The following CRY1 variants were observed in gnomAD, a reference collection of about 807,000 sequenced individuals.
CRY1 encodes cryptochrome-1.
A neutral mutation model predicts 76.0 loss-of-function variants in CRY1; 45 were observed. The observed-to-expected ratio is 0.59, with a 90% CI of 0.47 to 0.76. The LOEUF is 0.76. Ranked by LOEUF, CRY1 falls within the 30% of genes least tolerant of loss-of-function variation. The pLI, the probability that CRY1 is intolerant of heterozygous loss-of-function variation, is 0.00. For synonymous variants in CRY1, 248 were observed against 244.0 expected (o/e 1.02, Z -0.15); for missense variants, 587 against 716.4 (o/e 0.82, Z 2.06).
intron 1 of CRY1, among the ~76,000 whole-genome samples, chr12:107,049,290 T>A (rs1952888450): frequency 6.6e-6 from 1 of 152,214 alleles, no homozygotes; most frequent in Non-Finnish European, 1.5e-5. Context: ...ACTTTTGCAT[T>A]AAGGAAAAAA....
chr12:106,995,053 A>C (rs1952218751), intron 10 of CRY1, among the ~76,000 whole-genome samples: 1 of 152,252 alleles, frequency 6.6e-6, no homozygotes, highest in Non-Finnish European at 1.5e-5. Context: ...CCAATGATGC[A>C]GGAAGAAGTA....
At chr12:107,072,832 T>C (rs1352546387) in intron 1 of CRY1, 1 of 152,202 alleles carries the variant, frequency 6.6e-6, no homozygotes, top group Non-Finnish European at 1.5e-5. Flanking sequence ...TTCTTTACTA[T>C]GATTGTATTT....
At chr12:107,045,688 G>T (rs148616827) in intron 1 of CRY1, among the ~76,000 whole-genome samples, 3 of 152,028 alleles carry the variant, frequency 2.0e-5, no homozygotes, top group Admixed American at 2.0e-4. Context: ...GTAAGGAAGG[G>T]ATCCAGTTTC....
intron 1 of CRY1, among the ~76,000 whole-genome samples, chr12:107,086,550 C>T (rs780464887): frequency 5.3e-5 from 8 of 152,150 alleles, no homozygotes; most frequent in Non-Finnish European, 7.3e-5. Flanking sequence ...CTGCCTTGTG[C>T]GGTCTTGAGA....
intron 1 of CRY1, among the ~76,000 whole-genome samples, chr12:107,060,475 C>G (rs1261036964): frequency 2.0e-5 from 3 of 152,132 alleles, no homozygotes; most frequent in African/African-American, 4.8e-5. Context: ...AACCCATAAG[C>G]AATATATTTT....
At chr12:107,013,948 C>T (rs1342523210) in intron 2 of CRY1, among the ~76,000 whole-genome samples, 1 of 152,102 alleles carries the variant, frequency 6.6e-6, no homozygotes, top group Non-Finnish European at 1.5e-5. Context: ...TTAAATTTAA[C>T]ATGACTTCTA....
chr12:107,042,975 C>A (rs946470633), intron 1 of CRY1: 1 of 152,136 alleles, frequency 6.6e-6, no homozygotes, highest in Non-Finnish European at 1.5e-5. Flanking sequence ...CTGTGCTCAC[C>A]GTAGAGAAAA....
chr12:107,002,957 G>T lies in CRY1; in HGVS notation c.411-1009C>A, dbSNP rs565791018. The stretch of plus-strand genomic sequence containing the variant: ...GAGGCCTTCTGAGCCGTGTGGAATT[G>T]TAAGTCCATTAAATCTTTCTTTTGT... On this transcript the variant is annotated intron_variant, in intron 3 of 12. Coordinates refer to ENST00000008527, the MANE Select transcript of CRY1 (RefSeq NM_004075.5). Among the ~76,000 whole-genome samples, 17 of 152,266 alleles carry T rather than the reference G, an allele frequency of 1.1e-4. No individual in the cohort carries two copies. The East Asian group carries it at 2.3e-3, about 21-fold the overall frequency.
intron 1 of CRY1, among the ~76,000 whole-genome samples, chr12:107,065,779 T>G (rs960989033): frequency 6.6e-6 from 1 of 152,184 alleles, no homozygotes; most frequent in Non-Finnish European, 1.5e-5. Flanking sequence ...AGACACTTAT[T>G]CCTAACATTT....
intron 1 of CRY1, among the ~76,000 whole-genome samples, chr12:107,047,325 T>C (rs1006382452): frequency 2.0e-5 from 3 of 152,190 alleles, no homozygotes; most frequent in Non-Finnish European, 4.4e-5. Context: ...AATCATTTCA[T>C]TTGAAACAAA....
At chr12:107,006,409 T>G (rs1952375530) in intron 2 of CRY1, among the ~76,000 whole-genome samples, 1 of 151,970 alleles carries the variant, frequency 6.6e-6, no homozygotes, top group Non-Finnish European at 1.5e-5. Flanking sequence ...AACTTTACAG[T>G]ATATATCTTT....
At chr12:107,003,896 T>A (rs138899256) in intron 3 of CRY1, among the ~76,000 whole-genome samples, 1,871 of 150,822 alleles carry the variant, frequency 0.012, 33 homozygotes, top group African/African-American at 0.043. Context: ...AACGTCTGCC[T>A]CCCGGGTTCA....
rs575838320 is a variant in CRY1, at chr12:107,022,205, A to G, written c.159-13T>C. 7.0e-7 allele frequency: 1 copy of G among 1,425,974 alleles called. No homozygotes were observed. Among genetic ancestry groups the G allele is most frequent in the Non-Finnish European group, 9.6e-7 (1 of 1,037,100 alleles). The allele number at this position is 1,425,974 out of a possible 1,614,324, so 88.3% of individuals were successfully genotyped here. Reference sequence around the variant, plus strand: ...CTGAAGCAAAAATCTAGAGAGAAGAAAGTATTATTTAAATTATTAAAAAAT... The same window carrying G: ...CTGAAGCAAAAATCTAGAGAGAAGAGAGTATTATTTAAATTATTAAAAAAT... On this transcript the variant is annotated splice_polypyrimidine_tract_variant and intron_variant, in intron 1 of 12. Coordinates refer to ENST00000008527, the MANE Select transcript of CRY1 (RefSeq NM_004075.5).
intron 1 of CRY1, among the ~76,000 whole-genome samples, chr12:107,075,388 CAA>C (rs1339937558): frequency 2.0e-5 from 3 of 151,552 alleles, no homozygotes; most frequent in Non-Finnish European, 4.4e-5. Context: ...GGTGAATCAC[CAA>C]AAAAGTTTGT....
intron 1 of CRY1, among the ~76,000 whole-genome samples, chr12:107,039,159 T>G (rs150382858): frequency 6.6e-6 from 1 of 152,150 alleles, no homozygotes; most frequent in Middle Eastern, 3.4e-3. Flanking sequence ...AAGGCCTTCA[T>G]CTTACACTAT....
chr12:107,081,382 T>G (rs948288092), intron 1 of CRY1, among the ~76,000 whole-genome samples: 1 of 152,044 alleles, frequency 6.6e-6, no homozygotes, highest in African/African-American at 2.4e-5. Context: ...TAAGCCACTA[T>G]GCTGTGGAGA....
chr12:107,092,140 C>CA (rs1324440088), intron 1 of CRY1, among the ~76,000 whole-genome samples: 1 of 152,150 alleles, frequency 6.6e-6, no homozygotes, highest in East Asian at 1.9e-4. Context: ...GGGGGCCTAA[C>CA]AATCATGTAG....
Position 107,092,806 on chromosome 12 carries a change from C to T in CRY1, c.156G>A (p.Trp52Ter), listed in dbSNP as rs1953488053. The T allele has an allele frequency of 6.2e-7, 1 of 1,611,460 alleles. No homozygotes were observed. Among genetic ancestry groups the T allele is most frequent in the Non-Finnish European group, 8.5e-7 (1 of 1,179,800 alleles). The change falls in exon 1 of 13, where the codon TGG becomes TGA. Residue 52 changes from tryptophan to a stop codon, truncating the protein, a stop_gained and splice_region_variant. Coordinates refer to ENST00000008527, the MANE Select transcript of CRY1 (RefSeq NM_004075.5). LOFTEE classifies it high-confidence loss of function. The stretch of plus-strand genomic sequence containing the variant: ...TTTCCCACGGGCTTGTGACTCACCG[C>T]CACCTGTTGATGCCCACATTGGAGG... Reference protein sequence around the residue: ...AGSSNVGINRWRFLLQCLEDL... With the variant: ...AGSSNVGINR
In CRY1 at chr12:106,997,631, G is replaced by A. The variant is rs761001874; in HGVS notation, c.1349C>T (p.Ala450Val). ...PAKYIYDPWN[A>V]PEGIQKVAKC... ...GGCTACCTTTTGGATACCTTCTGGT[G>A]CATTCCAGGGATCATAGATATATTT... The change falls in exon 9 of 13, where the codon GCA becomes GTA. Residue 450 changes from alanine (A) to valine (V), a missense_variant. By Grantham distance (64) the Ala-to-Val change is moderately conservative (BLOSUM62 0). Coordinates refer to ENST00000008527, the MANE Select transcript of CRY1 (RefSeq NM_004075.5). 6.2e-7 allele frequency: 1 copy of A among 1,614,100 alleles called. No homozygotes were observed. Among genetic ancestry groups the A allele is most frequent in the African/African-American group, 1.3e-5 (1 of 75,044 alleles).
Sources: allele counts gnomAD v4.1 joint callset (sites outside exome capture counted in the v4.1 genomes callset), GRCh38; gene constraint gnomAD v4.1.1; transcripts MANE v1.5; gene names NCBI Gene and HGNC (gene_info 2026-07-23, HGNC 2026-07-21).